PSD3: variants seen among roughly 807,000 people sequenced by gnomAD.
PSD3 encodes PH and SEC7 domain-containing protein 3.
Under a neutral mutation model 105.5 loss-of-function variants are expected in PSD3, and 49 were observed. The observed-to-expected ratio is 0.46, with a 90% CI of 0.37 to 0.59. The LOEUF is 0.59. Ranked by LOEUF, PSD3 falls within the 20% of genes least tolerant of loss-of-function variation. The pLI, the probability that PSD3 is intolerant of heterozygous loss-of-function variation, is 0.00. For missense variants in PSD3, 1,561 were observed against 1,263.8 expected, an observed-to-expected ratio of 1.24 and a Z score of -3.57; for synonymous variants, 557 against 457.8, an observed-to-expected ratio of 1.22 and a Z score of -2.77.
At chr8:18,916,918 T>C (rs1820656373) in intron 2 of PSD3, among the ~76,000 whole-genome samples, 1 of 152,074 alleles carries the variant, frequency 6.6e-6, no homozygotes, top group South Asian at 2.1e-4. Context: ...GAGAAGTCTT[T>C]AACATTTCTT....
chr8:18,672,574 T>C (rs17644668), intron 9 of PSD3, among the ~76,000 whole-genome samples: 11,939 of 152,246 alleles, frequency 0.078, 976 homozygotes, highest in African/African-American at 0.19. Context: ...GGGAGCTAAA[T>C]AGAATTGCCA....
chr8:18,825,284 T>C (rs543768327), intron 4 of PSD3, among the ~76,000 whole-genome samples: 91 of 152,204 alleles, frequency 6.0e-4, no homozygotes, highest in African/African-American at 2.1e-3. Flanking sequence ...GTTTTTAGAG[T>C]TGTCAGTTGT....
chr8:18,802,752 C>T (rs917175937), intron 6 of PSD3, among the ~76,000 whole-genome samples: 1 of 152,120 alleles, frequency 6.6e-6, no homozygotes, highest in East Asian at 1.9e-4. Flanking sequence ...TTCTTCCAGA[C>T]ATGGACATTT....
chr8:18,971,360 G>A (rs1278745496), intron 1 of PSD3, among the ~76,000 whole-genome samples: 1 of 152,182 alleles, frequency 6.6e-6, no homozygotes, highest in Non-Finnish European at 1.5e-5. Flanking sequence ...CCTCCCCTCA[G>A]TGGACAGTCC....
intron 9 of PSD3, among the ~76,000 whole-genome samples, chr8:18,708,114 G>C (rs1441441401): frequency 6.6e-6 from 1 of 152,194 alleles, no homozygotes. Flanking sequence ...GGGAGAAAGG[G>C]AAAACAGACA....
intron 4 of PSD3, among the ~76,000 whole-genome samples, chr8:18,856,874 TTTA>T (rs1816052606): frequency 6.6e-6 from 1 of 152,210 alleles, no homozygotes; most frequent in Non-Finnish European, 1.5e-5. Context: ...ATAGCCAACA[TTTA>T]TTGAGTACTC....
At chr8:18,877,203 C>T (rs1385086218) in intron 2 of PSD3, among the ~76,000 whole-genome samples, 2 of 152,182 alleles carry the variant, frequency 1.3e-5, no homozygotes, top group African/African-American at 4.8e-5. Flanking sequence ...CCTTTGGTCT[C>T]TTGTGCTTTT....
intron 4 of PSD3, among the ~76,000 whole-genome samples, chr8:18,866,018 C>T (rs1033335660): frequency 3.3e-5 from 5 of 152,224 alleles, no homozygotes; most frequent in Non-Finnish European, 7.3e-5. Flanking sequence ...GCTTCACTTA[C>T]AACCACTCCC....
intron 15 of PSD3, 151 bp downstream of exon 15, chr8:18,556,058 G>T: frequency 3.7e-6 from 3 of 804,684 alleles, no homozygotes; most frequent in Non-Finnish European, 5.8e-6. Context: ...CAAACAAGAG[G>T]GGCCACCATG....
intron 8 of PSD3, among the ~76,000 whole-genome samples, chr8:18,777,517 T>C (rs1808217303): frequency 6.6e-6 from 1 of 152,266 alleles, no homozygotes; most frequent in South Asian, 2.1e-4. Context: ...ATTGTTTATC[T>C]GAAATCTAAG....
At chr8:18,945,085 T>C (rs370993528) in intron 1 of PSD3, among the ~76,000 whole-genome samples, 5 of 142,384 alleles carry the variant, frequency 3.5e-5, no homozygotes, top group East Asian at 2.0e-4. Context: ...CACACACACA[T>C]ACGTACACAC....
At chr8:18,680,601 A>T (rs770765445) in intron 9 of PSD3, among the ~76,000 whole-genome samples, 1 of 152,218 alleles carries the variant, frequency 6.6e-6, no homozygotes, top group Non-Finnish European at 1.5e-5. Context: ...CATCCTGCCC[A>T]TATTATGTGC....
intron 2 of PSD3, among the ~76,000 whole-genome samples, chr8:18,911,946 A>G (rs1380680810): frequency 6.6e-6 from 1 of 152,182 alleles, no homozygotes; most frequent in African/African-American, 2.4e-5. Context: ...CTCAAAAACT[A>G]TCCGTCCACA....
At chr8:19,007,318 A>G (rs1049385579) in intron 1 of PSD3, among the ~76,000 whole-genome samples, 1 of 152,086 alleles carries the variant, frequency 6.6e-6, no homozygotes, top group African/African-American at 2.4e-5. Context: ...CTATTAAAAA[A>G]GCACTTTTGC....
At chr8:19,055,473 G>A (rs373523708) in intron 1 of PSD3, among the ~76,000 whole-genome samples, 4 of 152,220 alleles carry the variant, frequency 2.6e-5, no homozygotes, top group East Asian at 3.9e-4. Context: ...GGCTGGTCTC[G>A]AACTCCTGAC....
At chr8:18,651,393 T>C (rs993339744) in intron 10 of PSD3, among the ~76,000 whole-genome samples, 1 of 152,264 alleles carries the variant, frequency 6.6e-6, no homozygotes, top group Non-Finnish European at 1.5e-5. Flanking sequence ...AAGTCTTCCA[T>C]GCATTATCCT....
intron 9 of PSD3, among the ~76,000 whole-genome samples, chr8:18,689,351 G>T (rs1412094050): frequency 1.3e-5 from 2 of 152,162 alleles, no homozygotes; most frequent in African/African-American, 4.8e-5. Context: ...AAATCAACAG[G>T]AGAGTATCAA....
intron 9 of PSD3, chr8:18,734,333 A>C (rs1026369751): frequency 4.6e-5 from 7 of 152,222 alleles, no homozygotes; most frequent in Non-Finnish European, 7.3e-5. Flanking sequence ...TATATGTCTG[A>C]AAAACAGTAT....
chr8:18,537,566 A>G (rs1312820806), intron 15 of PSD3, among the ~76,000 whole-genome samples: 1 of 152,150 alleles, frequency 6.6e-6, no homozygotes, highest in African/African-American at 2.4e-5. Context: ...GCCATGTGAT[A>G]TTGTGACCAG....
Sources: gnomAD v4.1 joint callset for allele counts (sites outside exome capture counted in the v4.1 genomes callset) on GRCh38, gnomAD v4.1.1 for gene constraint, MANE v1.5 for transcripts, NCBI Gene and HGNC (gene_info 2026-07-23, HGNC 2026-07-21) for gene names.